Variants in ASTN1 observed in about 807,000 individuals in gnomAD.
ASTN1 encodes astrotactin 1, also known as astrotactin-1.
ASTN1 carries 41 observed loss-of-function variants against 140.7 expected under a neutral mutation model. That is an observed-to-expected ratio of 0.29 (90% confidence interval 0.23 to 0.38). ASTN1 has a LOEUF of 0.38. ASTN1 is among the 10% of genes least tolerant of loss of function. ASTN1 has a pLI of 1.00. For missense variants in ASTN1, 1,479 were observed against 1,678.8 expected (o/e 0.88, Z 2.08); for synonymous variants, 640 against 652.2 (o/e 0.98, Z 0.29).
intron 8 of ASTN1, among the ~76,000 whole-genome samples, chr1:177,008,898 T>C (rs1184392614): frequency 3.3e-5 from 5 of 151,976 alleles, no homozygotes; most frequent in African/African-American, 9.7e-5. Flanking sequence ...CCAGCAAATC[T>C]TGTTTGAGAG....
chr1:176,981,211 C>CAAAAAAAAAAAAAAAAAAAAAA (rs35209486), intron 8 of ASTN1, among the ~76,000 whole-genome samples: 1 of 24,058 alleles, frequency 4.2e-5, no homozygotes, highest in Non-Finnish European at 8.8e-5. Flanking sequence ...GACTCTGTCT[C>CAAAAAAAAAAAAAAAAAAAAAA]AAAAAAAAAA....
chr1:176,902,141 G>A (rs2103048264), intron 16 of ASTN1, among the ~76,000 whole-genome samples: 1 of 152,016 alleles, frequency 6.6e-6, no homozygotes, highest in Middle Eastern at 3.4e-3. Flanking sequence ...TAACTGGAAT[G>A]TTCGAGAAAA....
In ASTN1 at chr1:177,032,475, C is replaced by G. The variant is rs368841654; in HGVS notation, c.846G>C (p.Ser282=). ...CCCCACCTGGTGTGAGGTCCATCCC[C>G]GACTTTTCATTGCAGCCCTGCAGGG... ...LDSLQGCNEK[S]GMDLTPGSDN... Residue 282 remains serine, a synonymous_variant, in exon 3 of 23, where the codon TCG becomes TCC. Transcript: ENST00000361833. The G allele has an allele frequency of 1.2e-6, 2 of 1,613,876 alleles. No individual in the cohort carries two copies. The highest frequency in any genetic ancestry group is 1.7e-6 in the Non-Finnish European group (2 of 1,179,968).
chr1:177,148,834 AAGC>A (rs1682839092), intron 1 of ASTN1, among the ~76,000 whole-genome samples: 1 of 151,818 alleles, frequency 6.6e-6, no homozygotes, highest in Non-Finnish European at 1.5e-5. Context: ...CAGTGCAATG[AAGC>A]ACACAGAACT....
chr1:177,126,041 G>A (rs1381581463), intron 1 of ASTN1, among the ~76,000 whole-genome samples: 1 of 152,132 alleles, frequency 6.6e-6, no homozygotes, highest in African/African-American at 2.4e-5. Context: ...TATCTAAACT[G>A]AAGAGTGTTT....
intron 16 of ASTN1, among the ~76,000 whole-genome samples, chr1:176,905,352 G>A (rs116119102): frequency 6.6e-6 from 1 of 152,122 alleles, no homozygotes; most frequent in Admixed American, 6.5e-5. Flanking sequence ...TGCTGCAAAG[G>A]CTGGCTCATA....
chr1:177,012,303 C>A (rs1675332944), intron 8 of ASTN1, among the ~76,000 whole-genome samples: 1 of 151,432 alleles, frequency 6.6e-6, no homozygotes, highest in African/African-American at 2.5e-5. Context: ...ATACTTTTCA[C>A]TTACCTTGTC....
chr1:176,941,107 T>G (rs553627632), intron 14 of ASTN1, among the ~76,000 whole-genome samples: 83 of 152,362 alleles, frequency 5.4e-4, no homozygotes, highest in African/African-American at 1.8e-3. Flanking sequence ...GAGCTAAATT[T>G]ATGGGAATTA....
At chr1:177,049,225 C>T (rs976902347) in intron 2 of ASTN1, among the ~76,000 whole-genome samples, 2 of 152,190 alleles carry the variant, frequency 1.3e-5, no homozygotes, top group Non-Finnish European at 1.5e-5. Context: ...CCCCAAGGCA[C>T]AGGACATAGC....
intron 16 of ASTN1, among the ~76,000 whole-genome samples, chr1:176,911,578 CGAA>C (rs1670243286): frequency 6.6e-6 from 1 of 151,390 alleles, no homozygotes; most frequent in South Asian, 2.1e-4. Context: ...TTGTTAAAAA[CGAA>C]GACACAAACA....
In ASTN1 at chr1:176,874,751, TAA is replaced by T. The variant is rs2103018045; in HGVS notation, c.3463+1784_3463+1785del. Among the ~76,000 whole-genome samples, 3 of 152,236 alleles carry T rather than the reference TAA, an allele frequency of 2.0e-5. No homozygotes were observed. The South Asian group carries it at 6.2e-4, about 32-fold the overall frequency. On this transcript the variant is annotated intron_variant, in intron 21 of 22. Coordinates refer to ENST00000361833, the MANE Select transcript of ASTN1 (RefSeq NM_004319.3). ...TGGTTTTTTTCTATTTTAAATTAAT[TAA>T]GTCATTCAATTTTCACTAGAACTTC... is the stretch of plus-strand genomic sequence containing the variant.
intron 1 of ASTN1, among the ~76,000 whole-genome samples, chr1:177,119,139 G>A (rs1283936718): frequency 6.6e-6 from 1 of 152,064 alleles, no homozygotes; most frequent in African/African-American, 2.4e-5. Flanking sequence ...TCATCTCATG[G>A]CATGGTAACT....
At chr1:177,041,257 G>A (rs1021923633) in intron 2 of ASTN1, among the ~76,000 whole-genome samples, 5 of 152,162 alleles carry the variant, frequency 3.3e-5, no homozygotes, top group South Asian at 2.1e-4. Context: ...GGATGTAGAC[G>A]TAATAATTTT....
intron 2 of ASTN1, among the ~76,000 whole-genome samples, chr1:177,048,230 G>T (rs575230197): frequency 2.6e-5 from 4 of 152,138 alleles, no homozygotes; most frequent in East Asian, 3.9e-4. Context: ...CCAGTACCTC[G>T]GACGAGCCTC....
At chr1:177,095,483 C>A (rs2102115544) in intron 1 of ASTN1, among the ~76,000 whole-genome samples, 1 of 152,308 alleles carries the variant, frequency 6.6e-6, no homozygotes, top group East Asian at 1.9e-4. Context: ...CTCCATTCCC[C>A]ACCCTGTAGT....
intron 1 of ASTN1, among the ~76,000 whole-genome samples, chr1:177,112,871 T>A (rs1680889471): frequency 6.6e-6 from 1 of 152,180 alleles, no homozygotes; most frequent in Admixed American, 6.5e-5. Flanking sequence ...TTTCCCCACA[T>A]CATCTCCCGC....
At chr1:177,068,821 CTTTTTTTTT>C in intron 1 of ASTN1, among the ~76,000 whole-genome samples, 1 of 135,394 alleles carries the variant, frequency 7.4e-6, no homozygotes, top group African/African-American at 2.7e-5. Flanking sequence ...TCTTTCTTTT[CTTTTTTTTT>C]TTTTTTTGAG....
intron 1 of ASTN1, among the ~76,000 whole-genome samples, chr1:177,128,826 C>A (rs1018481191): frequency 6.6e-6 from 1 of 152,158 alleles, no homozygotes; most frequent in Non-Finnish European, 1.5e-5. Flanking sequence ...CTGGCTCAGC[C>A]ACTGGCCTGA....
chr1:177,141,203 C>A (rs1178235257), intron 1 of ASTN1, among the ~76,000 whole-genome samples: 1 of 151,940 alleles, frequency 6.6e-6, no homozygotes, highest in Admixed American at 6.6e-5. Flanking sequence ...GCAAAAAGAG[C>A]AAAATTCCAT....
Sources: gnomAD v4.1 joint callset for allele counts (sites outside exome capture counted in the v4.1 genomes callset) on GRCh38, gnomAD v4.1.1 for gene constraint, MANE v1.5 for transcripts, NCBI Gene and HGNC (gene_info 2026-07-23, HGNC 2026-07-21) for gene names.